Variants in FOCAD observed in about 807,000 individuals in gnomAD.
FOCAD encodes focadhesin.
FOCAD carries 198 observed loss-of-function variants against 225.6 expected under a neutral mutation model. The observed-to-expected ratio is 0.88, with a 90% CI of 0.78 to 0.99. The LOEUF (loss-of-function observed/expected upper bound fraction) is 0.99, where lower values mean the gene tolerates loss of function less well. Ranked by LOEUF, FOCAD falls within the 50% of genes least tolerant of loss-of-function variation. The pLI, the probability that FOCAD is intolerant of heterozygous loss-of-function variation, is 0.00. For synonymous variants in FOCAD, 897 were observed against 755.0 expected, an observed-to-expected ratio of 1.19 and a Z score of -3.08; for missense variants, 2,713 against 2,123.6, an observed-to-expected ratio of 1.28 and a Z score of -5.46.
chr9:20,778,601 A>T, intron 8 of FOCAD, 80 bp from the exon 9 acceptor site: 1 of 719,018 alleles, frequency 1.4e-6, no homozygotes, highest in Non-Finnish European at 2.5e-6. Flanking sequence ...TATTAAATAT[A>T]TTCTTCCTGG....
intron 4 of FOCAD, among the ~76,000 whole-genome samples, chr9:20,735,257 A>G (rs968679009): frequency 6.6e-6 from 1 of 152,000 alleles, no homozygotes; most frequent in African/African-American, 2.4e-5. Context: ...CTCTGCTAAA[A>G]ACTTTCCCTA....
At chr9:20,860,589 G>A (rs965544963) in intron 15 of FOCAD, among the ~76,000 whole-genome samples, 2 of 152,182 alleles carry the variant, frequency 1.3e-5, no homozygotes, top group African/African-American at 4.8e-5. Context: ...CGAGTGCAGA[G>A]GCGCTGTCCC....
intron 35 of FOCAD, among the ~76,000 whole-genome samples, chr9:20,976,102 G>T (rs1840207038): frequency 6.6e-6 from 1 of 152,098 alleles, no homozygotes; most frequent in Non-Finnish European, 1.5e-5. Flanking sequence ...AAATATTGGA[G>T]ATGATGGATA....
chr9:20,941,701 G>A (rs1836670805), intron 28 of FOCAD, among the ~76,000 whole-genome samples: 1 of 152,118 alleles, frequency 6.6e-6, no homozygotes, highest in African/African-American at 2.4e-5. Context: ...TCATTTGTTA[G>A]CACTCTTATA....
intron 8 of FOCAD, among the ~76,000 whole-genome samples, chr9:20,778,120 C>T (rs1233240759): frequency 7.1e-6 from 1 of 140,814 alleles, no homozygotes; most frequent in African/African-American, 2.6e-5. Context: ...AAAAGATTGA[C>T]TGTTTAGAAG....
intron 1 of FOCAD, among the ~76,000 whole-genome samples, chr9:20,697,290 A>T (rs1331815823): frequency 6.6e-6 from 1 of 152,000 alleles, no homozygotes; most frequent in African/African-American, 2.4e-5. Context: ...TTGCCCTCTT[A>T]TGGTCTCTAT....
rs78349371 is a variant in FOCAD at position 20,678,387 on chromosome 9, T to G, written c.-77-16133T>G. Among the ~76,000 whole-genome samples the G allele has an allele frequency of 2.8e-3, 423 of 152,276 alleles. 4 individuals carry two copies. The highest frequency in any genetic ancestry group is 9.7e-3 in the African/African-American group (404 of 41,550). ...TAGACCAGCCAAGCTTTAAGCTGACTGCAGACATGTAAAGAGATCCAGGAG... is the reference window on the plus strand; with the variant it reads ...TAGACCAGCCAAGCTTTAAGCTGACGGCAGACATGTAAAGAGATCCAGGAG... On this transcript the variant is annotated intron_variant, in intron 2 of 45. Transcript: ENST00000380249.
chr9:20,940,088 A>G (rs1162789706), intron 28 of FOCAD, among the ~76,000 whole-genome samples: 2 of 152,036 alleles, frequency 1.3e-5, no homozygotes, highest in African/African-American at 4.8e-5. Flanking sequence ...AACTATATTG[A>G]GAGAGAGACG....
At chr9:20,721,658 C>T (rs1318254411) in intron 4 of FOCAD, among the ~76,000 whole-genome samples, 1 of 152,076 alleles carries the variant, frequency 6.6e-6, no homozygotes, top group African/African-American at 2.4e-5. Flanking sequence ...ACCGAGATTA[C>T]ACCACTGCAC....
chr9:20,960,022 G>A lies in FOCAD; in HGVS notation c.4132+6957G>A, dbSNP rs553851491. On this transcript the variant is annotated intron_variant, in intron 35 of 43. Coordinates refer to ENST00000338382, the MANE Select transcript of FOCAD (RefSeq NM_001375567.1). ...AAACTCCACATTCCTTTCAACCAGG[G>A]GCACTATTCAAGTTTCATCAACAAT... Among the ~76,000 whole-genome samples the A allele has an allele frequency of 1.4e-3, 214 of 151,814 alleles. 1 individual carries two copies. The highest frequency in any genetic ancestry group is 6.8e-3 in the Middle Eastern group (2 of 294).
At chr9:20,784,423 G>A (rs1819704142) in intron 10 of FOCAD, among the ~76,000 whole-genome samples, 2 of 152,240 alleles carry the variant, frequency 1.3e-5, no homozygotes, top group Non-Finnish European at 2.9e-5. Context: ...AAGAGTGGGT[G>A]TGGAGCTGAG....
chr9:20,798,402 G>T (rs1821380988), intron 11 of FOCAD, among the ~76,000 whole-genome samples: 1 of 152,072 alleles, frequency 6.6e-6, no homozygotes, highest in Non-Finnish European at 1.5e-5. Context: ...CTATTGATTG[G>T]AATAGTTTCA....
intron 4 of FOCAD, among the ~76,000 whole-genome samples, chr9:20,735,694 T>G (rs1434951424): frequency 6.7e-6 from 1 of 149,042 alleles, no homozygotes; most frequent in Non-Finnish European, 1.5e-5. Context: ...TTTTTAAGGT[T>G]TTTTTTTTTT....
rs749862101 is a variant in FOCAD, at chr9:20,899,891, G to C, written c.2626-7259G>C. Among the ~76,000 whole-genome samples, 3 of 151,886 alleles carry C rather than the reference G, an allele frequency of 2.0e-5. No homozygotes were observed. The South Asian group carries it at 6.2e-4, about 31-fold the overall frequency. ...GGTTTGGCCTGACATACCAGGAGCA[G>C]TTCTGCAGAATGACAGTCTTGTTTG... On this transcript the variant is annotated intron_variant, in intron 21 of 43. Coordinates refer to ENST00000338382, the MANE Select transcript of FOCAD (RefSeq NM_001375567.1).
Position 20,874,675 on chromosome 9 carries a change from T to C in FOCAD, c.2191-6T>C. On this transcript the variant is annotated splice_region_variant and splice_polypyrimidine_tract_variant and intron_variant, in intron 18 of 43. Coordinates refer to ENST00000338382, the MANE Select transcript of FOCAD (RefSeq NM_001375567.1). Reference sequence around the variant, plus strand: ...CTCTCTATGATCTTTTCGCTTATCATTTCAGATAAGACCAGAAATTCCCAT... The same window carrying C: ...CTCTCTATGATCTTTTCGCTTATCACTTCAGATAAGACCAGAAATTCCCAT... The C allele has an allele frequency of 6.2e-7, 1 of 1,612,904 alleles. No individual in the cohort carries two copies. The highest frequency in any genetic ancestry group is 8.5e-7 in the Non-Finnish European group (1 of 1,179,330).
chr9:20,920,949 A>C (rs1834365854), intron 24 of FOCAD, among the ~76,000 whole-genome samples: 1 of 151,506 alleles, frequency 6.6e-6, no homozygotes, highest in Admixed American at 6.6e-5. Context: ...TGTACCCTAA[A>C]ACTTAAAGTA....
chr9:20,746,927 A>G (rs976894549), intron 5 of FOCAD, among the ~76,000 whole-genome samples: 1 of 152,146 alleles, frequency 6.6e-6, no homozygotes, highest in Non-Finnish European at 1.5e-5. Context: ...CATATAAATG[A>G]CGCTGTGTCC....
intron 18 of FOCAD, among the ~76,000 whole-genome samples, chr9:20,871,814 C>G (rs1302521466): frequency 6.8e-6 from 1 of 147,092 alleles, no homozygotes; most frequent in Admixed American, 6.8e-5. Context: ...TGCTAAATGA[C>G]GAGTTAATGG....
At chr9:20,689,372 G>T (rs1410064846) in intron 1 of FOCAD, among the ~76,000 whole-genome samples, 1 of 151,280 alleles carries the variant, frequency 6.6e-6, no homozygotes, top group African/African-American at 2.4e-5. Context: ...TAATTTCCGA[G>T]GTTTAGATTG....
Sources: allele counts gnomAD v4.1 joint callset (sites outside exome capture counted in the v4.1 genomes callset), GRCh38; gene constraint gnomAD v4.1.1; transcripts MANE v1.5; gene names NCBI Gene and HGNC (gene_info 2026-07-23, HGNC 2026-07-21).